Variants in PLAC1 observed in about 807,000 individuals in gnomAD.
PLAC1 encodes the protein placenta associated 1, also known as placenta-specific protein 1.
For synonymous variants in PLAC1, 68 were observed against 62.1 expected, an observed-to-expected ratio of 1.09 and a Z score of -0.44; for missense variants, 136 against 163.2, an observed-to-expected ratio of 0.83 and a Z score of 0.91.
At chrX:134,584,828 G>A (rs923867909) in intron 2 of PLAC1, among the ~76,000 whole-genome samples, 4 of 110,993 alleles carry the variant, frequency 3.6e-5, no homozygotes, top group Non-Finnish European at 5.7e-5. Flanking sequence ...AGAAGCAACA[G>A]CGATTTTAAT....
intron 2 of PLAC1, among the ~76,000 whole-genome samples, chrX:134,697,539 T>C (rs1409022248): frequency 8.9e-6 from 1 of 112,314 alleles, no homozygotes; most frequent in Non-Finnish European, 1.9e-5. Flanking sequence ...AACACTGTTT[T>C]AGGCTCAAGG....
At chrX:134,675,680 A>AT (rs1218995136) in intron 2 of PLAC1, among the ~76,000 whole-genome samples, 8 of 110,929 alleles carry the variant, frequency 7.2e-5, no homozygotes, top group Admixed American at 2.9e-4. Context: ...AAAAAAAAAA[A>AT]GAAAGTGGCC....
intron 2 of PLAC1, among the ~76,000 whole-genome samples, chrX:134,585,175 C>CAAAAAACAA: frequency 3.0e-5 from 1 of 33,492 alleles, no homozygotes; most frequent in Non-Finnish European, 4.6e-5. Flanking sequence ...ACTAAAAGTA[C>CAAAAAACAA]AAAAAAAAAA....
At chrX:134,581,476 C>CTTTTTT (rs35457928) in intron 2 of PLAC1, among the ~76,000 whole-genome samples, 5 of 58,928 alleles carry the variant, frequency 8.5e-5, no homozygotes, top group Non-Finnish European at 1.5e-4. Flanking sequence ...TTCTCAGACT[C>CTTTTTT]TTTTTTTTTT....
intron 1 of PLAC1, among the ~76,000 whole-genome samples, chrX:134,635,074 AG>A (rs1307819811): frequency 8.9e-6 from 1 of 111,769 alleles, no homozygotes; most frequent in African/African-American, 3.3e-5. Flanking sequence ...GGCTTGGAGA[AG>A]CCCTTTCCCT....
intron 2 of PLAC1, among the ~76,000 whole-genome samples, chrX:134,691,537 C>T (rs1451658582): frequency 8.1e-5 from 9 of 111,259 alleles, no homozygotes; most frequent in African/African-American, 2.6e-4. Context: ...GTGGCTGAGG[C>T]GGTTACCCAT....
At chrX:134,669,494 G>A (rs1385154422) in intron 2 of PLAC1, among the ~76,000 whole-genome samples, 1 of 112,474 alleles carries the variant, frequency 8.9e-6, no homozygotes, top group Non-Finnish European at 1.9e-5. Flanking sequence ...TCTAGAGTGA[G>A]AAATGCTGTG....
At position 134,667,396 on chromosome X, in the gene PLAC1, C is replaced by T. The variant is rs188778273; in HGVS notation, n.175-65274G>A. On this transcript the variant is annotated intron_variant and non_coding_transcript_variant, in intron 2 of 2. Transcript: ENST00000466797. ...AACAGACTGTCTTCCAAAGAAGATA[C>T]ATGAATGGCCAATGGAGCACATAAA... Among the ~76,000 whole-genome samples, 84 of 112,283 alleles carry T rather than the reference C, an allele frequency of 7.5e-4. 1 individual carries two copies. Among genetic ancestry groups the T allele is most frequent in the African/African-American group, 2.4e-3 (75 of 30,888 alleles).
At chrX:134,587,853 C>A (rs1022915644) in intron 2 of PLAC1, among the ~76,000 whole-genome samples, 17 of 112,218 alleles carry the variant, frequency 1.5e-4, no homozygotes, top group African/African-American at 5.5e-4. Context: ...TTCAATGAGG[C>A]AGGCAGTGCG....
intron 1 of PLAC1, among the ~76,000 whole-genome samples, chrX:134,655,115 G>A (rs1358619692): frequency 9.0e-6 from 1 of 110,908 alleles, no homozygotes; most frequent in Non-Finnish European, 1.9e-5. Context: ...GGGTGTCTGG[G>A]GCAGAAAGGT....
At chrX:134,748,382 T>C (rs1003371445) in intron 1 of PLAC1, among the ~76,000 whole-genome samples, 12 of 109,312 alleles carry the variant, frequency 1.1e-4, no homozygotes, top group African/African-American at 4.0e-4. Context: ...GGCCTTACCA[T>C]GTAAGTTTAC....
At chrX:134,657,871 AATG>A (rs1006324610) in intron 1 of PLAC1, among the ~76,000 whole-genome samples, 3 of 111,751 alleles carry the variant, frequency 2.7e-5, no homozygotes, top group Non-Finnish European at 5.6e-5. Flanking sequence ...AGGAAGAGAG[AATG>A]ATGAGATGGC....
At chrX:134,760,728 C>T (rs892306212) in intron 1 of PLAC1, among the ~76,000 whole-genome samples, 7 of 111,341 alleles carry the variant, frequency 6.3e-5, no homozygotes, top group Non-Finnish European at 9.4e-5. Flanking sequence ...TAAGCCCATA[C>T]ACCCTGCAAC....
At chrX:134,740,318 C>CAAA (rs77285641) in intron 1 of PLAC1, among the ~76,000 whole-genome samples, 1 of 50,821 alleles carries the variant, frequency 2.0e-5, no homozygotes, top group Admixed American at 2.6e-4. Context: ...ATTCCGTCTC[C>CAAA]AAAAAAAAAA....
At chrX:134,655,603 T>C (rs1315343685) in intron 1 of PLAC1, among the ~76,000 whole-genome samples, 2 of 112,150 alleles carry the variant, frequency 1.8e-5, no homozygotes, top group African/African-American at 6.5e-5. Flanking sequence ...GTGTATTGCA[T>C]CTACTTATGT....
chrX:134,585,220 C>T (rs936592167), intron 2 of PLAC1, among the ~76,000 whole-genome samples: 15 of 105,069 alleles, frequency 1.4e-4, no homozygotes, highest in African/African-American at 5.2e-4. Context: ...GTGGCACGCG[C>T]CTGTAGCCCC....
intron 2 of PLAC1, among the ~76,000 whole-genome samples, chrX:134,687,148 G>A (rs1193638505): frequency 1.8e-5 from 2 of 111,608 alleles, no homozygotes; most frequent in Non-Finnish European, 3.8e-5. Flanking sequence ...CATTGGAAAT[G>A]CCCAAGAAAA....
chrX:134,654,583 G>A (rs1170862593), intron 1 of PLAC1, among the ~76,000 whole-genome samples: 1 of 112,196 alleles, frequency 8.9e-6, no homozygotes, highest in Non-Finnish European at 1.9e-5. Context: ...GATGAGAAGA[G>A]TCCTAGCCCA....
At chrX:134,737,394 T>A (rs1262411208) in intron 1 of PLAC1, among the ~76,000 whole-genome samples, 2 of 112,425 alleles carry the variant, frequency 1.8e-5, no homozygotes, top group African/African-American at 6.5e-5. Flanking sequence ...TCTCCCTTCC[T>A]TCCATTCATA....
Sources: gnomAD v4.1 joint callset for allele counts (sites outside exome capture counted in the v4.1 genomes callset) on GRCh38, gnomAD v4.1.1 for gene constraint, MANE v1.5 for transcripts, NCBI Gene and HGNC (gene_info 2026-07-23, HGNC 2026-07-21) for gene names.